Variants in MYO16 observed in about 807,000 individuals in gnomAD.
MYO16 encodes the protein unconventional myosin-XVI.
A neutral mutation model predicts 205.3 loss-of-function variants in MYO16; 94 were observed. The observed-to-expected ratio is 0.46, with a 90% confidence interval of 0.39 to 0.54. The LOEUF is 0.54. MYO16 is among the 20% of genes least tolerant of loss of function. The pLI, the probability that MYO16 is intolerant of heterozygous loss-of-function variation, is 0.00. For synonymous variants in MYO16, 988 were observed against 954.0 expected, an observed-to-expected ratio of 1.04 and a Z score of -0.66; for missense variants, 2,315 against 2,387.5, an observed-to-expected ratio of 0.97 and a Z score of 0.63.
intron 1 of MYO16, among the ~76,000 whole-genome samples, chr13:108,636,361 TTTTTTTTTTGTGTGTGTGTGTGTG>T: frequency 1.0e-5 from 1 of 95,454 alleles, no homozygotes; most frequent in African/African-American, 4.2e-5. Context: ...TTTTTTTTTT[TTTTTTTTTTGTGTGTGTGTGTGTG>T]TGTGTGTGTG....
At chr13:108,852,828 G>A (rs1052654665) in intron 10 of MYO16, among the ~76,000 whole-genome samples, 4 of 152,144 alleles carry the variant, frequency 2.6e-5, no homozygotes, top group African/African-American at 9.7e-5. Flanking sequence ...ATGAAGTATA[G>A]ACTATGTTTC....
intron 2 of MYO16, among the ~76,000 whole-genome samples, chr13:108,680,861 A>G (rs1013053772): frequency 8.5e-5 from 13 of 152,154 alleles, no homozygotes; most frequent in African/African-American, 3.1e-4. Flanking sequence ...GTTGTAGCTT[A>G]TATTTTGCAT....
At chr13:109,159,823 A>ACCGAGG (rs1878284503) in intron 32 of MYO16, among the ~76,000 whole-genome samples, 1 of 152,198 alleles carries the variant, frequency 6.6e-6, no homozygotes, top group Non-Finnish European at 1.5e-5. Context: ...GGAAGGCAAG[A>ACCGAGG]CCGAGGCCAA....
intron 2 of MYO16, among the ~76,000 whole-genome samples, chr13:108,679,864 TCCCATTTCACACCCAGCCCA>T (rs1397190559): frequency 6.6e-6 from 1 of 152,024 alleles, no homozygotes; most frequent in African/African-American, 2.4e-5. Flanking sequence ...ACTTCACCCT[TCCCATTTCACACCCAGCCCA>T]CCTCTCACAC....
intron 4 of MYO16, among the ~76,000 whole-genome samples, chr13:108,769,832 A>AGGT (rs1555345508): frequency 6.6e-6 from 1 of 152,148 alleles, no homozygotes; most frequent in Non-Finnish European, 1.5e-5. Flanking sequence ...AAAGTCAGTG[A>AGGT]GGCGGAGGCA....
chr13:109,044,319 A>G (rs1294803199), intron 23 of MYO16, among the ~76,000 whole-genome samples: 1 of 152,174 alleles, frequency 6.6e-6, no homozygotes, highest in Non-Finnish European at 1.5e-5. Context: ...GTGGAAGAGA[A>G]TAACGTTAAT....
the MYO16 span, among the ~76,000 whole-genome samples, chr13:108,561,237 G>A: frequency 6.6e-6 from 1 of 152,210 alleles, no homozygotes; most frequent in African/African-American, 2.4e-5. Flanking sequence ...CTAATCTCAG[G>A]AGACCCTTAC....
At position 109,058,025 on chromosome 13, in the gene MYO16, T is replaced by C. The variant is rs924942821; in HGVS notation, c.3335+2430T>C. 7.9e-5 allele frequency among the ~76,000 whole-genome samples: 12 copies of C among 152,234 alleles called. No individual in the cohort carries two copies. In the South Asian group the frequency reaches 8.3e-4, roughly 11 times the overall value. ...GACATGAGTGCACATCAAAATCACCTGGAGGCTTCTTAAAATATGGATTCC... is the reference window on the plus strand; with the variant it reads ...GACATGAGTGCACATCAAAATCACCCGGAGGCTTCTTAAAATATGGATTCC... On this transcript the variant is annotated intron_variant, in intron 27 of 34. Transcript: ENST00000457511.
rs1415560321 is a variant in MYO16, at chr13:108,753,395, A to AC, written c.507+25813dup. 5.3e-3 allele frequency among the ~76,000 whole-genome samples: 715 copies of AC among 135,152 alleles called. 26 individuals are homozygous for AC. Among genetic ancestry groups the AC allele is most frequent in the Non-Finnish European group, 7.6e-3 (482 of 63,770 alleles). 88.7% of individuals were successfully genotyped at this position (135,152 alleles called of 152,430 possible). A position where few individuals can be genotyped will look rare whatever the true frequency, so the allele number is the denominator to read the frequency against. ...CAAAAAAAAAAAAAAAAAAAAAAAA[A>AC]CAATAAAATATAACCCTGTTTCTTG... On this transcript the variant is annotated intron_variant, in intron 4 of 34. Coordinates refer to ENST00000457511, the MANE Select transcript of MYO16 (RefSeq NM_001198950.3).
chr13:108,901,078 G>A (rs1009120930), intron 15 of MYO16, among the ~76,000 whole-genome samples: 1 of 152,096 alleles, frequency 6.6e-6, no homozygotes, highest in African/African-American at 2.4e-5. Context: ...ATAAATTTTG[G>A]TCAGACCGGT....
At chr13:108,569,063 A>T in the MYO16 span, among the ~76,000 whole-genome samples, 1 of 152,156 alleles carries the variant, frequency 6.6e-6, no homozygotes, top group African/African-American at 2.4e-5. Flanking sequence ...TGATTATTGT[A>T]GCATGCAGTA....
chr13:108,654,449 G>A (rs116888713), intron 1 of MYO16, among the ~76,000 whole-genome samples: 5,342 of 152,200 alleles, frequency 0.035, 140 homozygotes, highest in South Asian at 0.13. Context: ...ATTCTGAGGC[G>A]TCCCCAGCCA....
chr13:109,134,660 A>G (rs1473094685), intron 31 of MYO16, among the ~76,000 whole-genome samples: 1 of 152,126 alleles, frequency 6.6e-6, no homozygotes, highest in African/African-American at 2.4e-5. Flanking sequence ...TTACAGGGAG[A>G]GTCAGTGCTT....
Position 108,839,565 on chromosome 13 carries a change from A to G in MYO16, c.1098-4778A>G, listed in dbSNP as rs181164943. 8.5e-5 allele frequency among the ~76,000 whole-genome samples: 13 copies of G among 152,286 alleles called. 1 individual carries two copies. The highest frequency in any genetic ancestry group is 1.3e-4 in the Admixed American group (2 of 15,292). ...CAACTGAGTAAATTTAAAGAATCAT[A>G]TCATTCACTCCCAAAAAGAGGGGAC... On this transcript the variant is annotated intron_variant, in intron 9 of 34. Transcript: ENST00000457511.
intron 12 of MYO16, among the ~76,000 whole-genome samples, chr13:108,882,034 G>C (rs9521081): frequency 0.31 from 47,793 of 151,996 alleles, 7,926 homozygotes; most frequent in Non-Finnish European, 0.35. Context: ...AACTGTAAAG[G>C]GCAGCCAGAG....
intron 22 of MYO16, among the ~76,000 whole-genome samples, chr13:109,016,781 A>C (rs142918192): frequency 0.017 from 2,564 of 149,464 alleles, 74 homozygotes; most frequent in African/African-American, 0.06. Flanking sequence ...AGTATTGCAA[A>C]TGCTGCTTTT....
At chr13:108,995,460 T>C (rs1884971628) in intron 21 of MYO16, among the ~76,000 whole-genome samples, 1 of 152,166 alleles carries the variant, frequency 6.6e-6, no homozygotes, top group African/African-American at 2.4e-5. Context: ...TTATTATACT[T>C]TAAGTTTTAG....
intron 1 of MYO16, among the ~76,000 whole-genome samples, chr13:108,604,799 G>A (rs905573987): frequency 2.0e-5 from 3 of 152,052 alleles, no homozygotes; most frequent in African/African-American, 7.2e-5. Flanking sequence ...TCCTCACTAC[G>A]TTGTCAGCCT....
chr13:108,875,078 A>T (rs1879261997), intron 12 of MYO16, among the ~76,000 whole-genome samples: 2 of 152,202 alleles, frequency 1.3e-5, no homozygotes, highest in South Asian at 4.1e-4. Context: ...TTTATCCATT[A>T]AGAAGGAAGG....
Sources: gnomAD v4.1 joint callset for allele counts (sites outside exome capture counted in the v4.1 genomes callset) on GRCh38, gnomAD v4.1.1 for gene constraint, MANE v1.5 for transcripts, NCBI Gene and HGNC (gene_info 2026-07-23, HGNC 2026-07-21) for gene names.